Variants in CNTNAP2 observed in about 807,000 individuals in gnomAD.
CNTNAP2 encodes contactin-associated protein-like 2.
A neutral mutation model predicts 155.2 loss-of-function variants in CNTNAP2; 98 were observed. The ratio of observed to expected loss-of-function variants is 0.63; its 90% CI spans 0.54 to 0.75. CNTNAP2 has a LOEUF of 0.75. Among genes scored for constraint, CNTNAP2 ranks in the 30% least tolerant of loss-of-function variants. The pLI is 0.00. For synonymous variants in CNTNAP2, 651 were observed against 631.2 expected (o/e 1.03, Z -0.47); for missense variants, 1,727 against 1,688.1 (o/e 1.02, Z -0.40).
intron 13 of CNTNAP2, among the ~76,000 whole-genome samples, chr7:147,684,063 T>A (rs1484190443): frequency 1.3e-5 from 2 of 151,830 alleles, no homozygotes; most frequent in Non-Finnish European, 2.9e-5. Flanking sequence ...ATACTATTAT[T>A]TTATTCTAAC....
intron 5 of CNTNAP2, among the ~76,000 whole-genome samples, chr7:147,116,447 G>A (rs982159566): frequency 2.0e-5 from 3 of 152,118 alleles, no homozygotes; most frequent in African/African-American, 7.2e-5. Flanking sequence ...GTCCAAGTTG[G>A]TGACCTGCCC....
intron 1 of CNTNAP2, among the ~76,000 whole-genome samples, chr7:146,656,899 A>G (rs1800004237): frequency 6.6e-6 from 1 of 152,170 alleles, no homozygotes; most frequent in Admixed American, 6.6e-5. Flanking sequence ...AAAAGCCTCA[A>G]CATTTTCTCA....
Position 148,130,359 on chromosome 7 carries a change from A to G in CNTNAP2, c.2554+12071A>G, listed in dbSNP as rs116290576. On this transcript the variant is annotated intron_variant, in intron 16 of 23. Coordinates refer to ENST00000361727, the MANE Select transcript of CNTNAP2 (RefSeq NM_014141.6). ...AGGCAGCTGGAACATAGATGTGAAC[A>G]TAATGAAATCATACCAAATGTCTCT... 7.7e-3 allele frequency among the ~76,000 whole-genome samples: 1,173 copies of G among 152,344 alleles called. 12 individuals carry two copies. Among genetic ancestry groups the G allele is most frequent in the South Asian group, 0.024 (116 of 4,828 alleles).
chr7:147,572,522 G>A (rs932818082), intron 12 of CNTNAP2, among the ~76,000 whole-genome samples: 4 of 152,082 alleles, frequency 2.6e-5, no homozygotes, highest in Non-Finnish European at 5.9e-5. Context: ...ATATCTTATA[G>A]ACACTGCTTG....
At chr7:147,751,571 C>T (rs12703973) in intron 13 of CNTNAP2, among the ~76,000 whole-genome samples, 96,233 of 152,010 alleles carry the variant, frequency 0.63, 33,559 homozygotes, top group East Asian at 0.92. Context: ...AATCATCGTC[C>T]CTTAACACCA....
chr7:148,188,289 T>C (rs2116713459), intron 18 of CNTNAP2, among the ~76,000 whole-genome samples: 1 of 152,320 alleles, frequency 6.6e-6, no homozygotes, highest in South Asian at 2.1e-4. Context: ...AGGATGGTAA[T>C]ACCATCTCTT....
At chr7:147,497,018 A>G (rs1291962161) in intron 11 of CNTNAP2, 5 of 152,256 alleles carry the variant, frequency 3.3e-5, no homozygotes, top group Middle Eastern at 6.8e-3. Flanking sequence ...TTAATAAGCA[A>G]TAGTTTCTTA....
Position 147,143,698 on chromosome 7 carries a change from C to T in CNTNAP2, c.1348+11189C>T, listed in dbSNP as rs566485885. ...GCAAATATCTCAAAGGAAATAATTG[C>T]TTCACTGTGGGAGGCTAATGTGTGT... On this transcript the variant is annotated intron_variant, in intron 8 of 23. Transcript: ENST00000361727. Among the ~76,000 whole-genome samples the T allele has an allele frequency of 3.0e-4, 46 of 152,166 alleles. No homozygotes were observed. The East Asian group carries it at 4.1e-3, about 13-fold the overall frequency.
intron 21 of CNTNAP2, among the ~76,000 whole-genome samples, chr7:148,360,915 TCTC>T (rs1421957487): frequency 6.6e-6 from 1 of 151,720 alleles, no homozygotes; most frequent in Non-Finnish European, 1.5e-5. Flanking sequence ...ATTCAAGTGA[TCTC>T]CTGCCTCAGC....
chr7:147,332,059 A>G (rs184309076), intron 9 of CNTNAP2, among the ~76,000 whole-genome samples: 1 of 152,354 alleles, frequency 6.6e-6, no homozygotes, highest in Non-Finnish European at 1.5e-5. Context: ...AGAAATACTA[A>G]TAAGAAATGA....
chr7:147,323,589 AG>A (rs1174218693), intron 9 of CNTNAP2, among the ~76,000 whole-genome samples: 1 of 151,780 alleles, frequency 6.6e-6, no homozygotes, highest in East Asian at 1.9e-4. Flanking sequence ...GATGTCTATT[AG>A]GTCCGCTTGG....
intron 17 of CNTNAP2, among the ~76,000 whole-genome samples, chr7:148,163,858 T>C (rs923308946): frequency 1.3e-5 from 2 of 152,236 alleles, no homozygotes; most frequent in Non-Finnish European, 2.9e-5. Context: ...TCTTGGCCAT[T>C]CTGCTGTTCT....
At chr7:146,414,389 C>T (rs1795907946) in intron 1 of CNTNAP2, among the ~76,000 whole-genome samples, 1 of 152,080 alleles carries the variant, frequency 6.6e-6, no homozygotes, top group African/African-American at 2.4e-5. Context: ...TTGAGAAGTG[C>T]CCCATGAGTA....
At position 148,029,838 on chromosome 7, in the gene CNTNAP2, G is replaced by T. The variant is rs903073786; in HGVS notation, c.2383+51849G>T. On this transcript the variant is annotated intron_variant, in intron 15 of 23. Transcript: ENST00000361727. ...AGGAGTTGTTTCTGTGACCAAATAT[G>T]AACATAAGACCAATTATCTGCAAAT... 6.3e-4 allele frequency among the ~76,000 whole-genome samples: 96 copies of T among 152,144 alleles called. 5 individuals are homozygous for T. The highest frequency in any genetic ancestry group is 1.9e-4 in the Non-Finnish European group (13 of 68,024).
chr7:146,453,598 A>C (rs1298969074), intron 1 of CNTNAP2, among the ~76,000 whole-genome samples: 1 of 152,186 alleles, frequency 6.6e-6, no homozygotes, highest in Non-Finnish European at 1.5e-5. Flanking sequence ...AATCCAAAAC[A>C]ATCAATCAAT....
At chr7:148,197,760 G>T (rs1214593617) in intron 18 of CNTNAP2, among the ~76,000 whole-genome samples, 1 of 152,192 alleles carries the variant, frequency 6.6e-6, no homozygotes, top group Non-Finnish European at 1.5e-5. Context: ...TCATCATCGT[G>T]TTGCTAAAGC....
chr7:148,312,289 T>G (rs1352809132), intron 21 of CNTNAP2, among the ~76,000 whole-genome samples: 1 of 152,024 alleles, frequency 6.6e-6, no homozygotes, highest in Non-Finnish European at 1.5e-5. Flanking sequence ...GGGATTGGGG[T>G]TTGGGAGATT....
At chr7:146,769,935 C>T (rs1442099073) in intron 1 of CNTNAP2, among the ~76,000 whole-genome samples, 8 of 152,018 alleles carry the variant, frequency 5.3e-5, no homozygotes. Context: ...TGGTGGTTAA[C>T]ACTATTTTGG....
intron 10 of CNTNAP2, among the ~76,000 whole-genome samples, chr7:147,401,924 G>A (rs1796921170): frequency 6.7e-6 from 1 of 150,226 alleles, no homozygotes. Context: ...GTTCGTTATA[G>A]CAACGTGAAA....
Sources: gnomAD v4.1 joint callset for allele counts (sites outside exome capture counted in the v4.1 genomes callset) on GRCh38, gnomAD v4.1.1 for gene constraint, MANE v1.5 for transcripts, NCBI Gene and HGNC (gene_info 2026-07-23, HGNC 2026-07-21) for gene names.